The following KCNG4 variants were observed in gnomAD, a reference collection of about 807,000 sequenced individuals.
The protein encoded by KCNG4 is potassium voltage-gated channel modifier subfamily G member 4, also known as voltage-gated potassium channel regulatory subunit KCNG4.
KCNG4 carries 30 observed loss-of-function variants against 28.2 expected under a neutral mutation model. That is an observed-to-expected ratio of 1.06 (90% confidence interval 0.80 to 1.44). The LOEUF (loss-of-function observed/expected upper bound fraction) is 1.44. Among genes scored for constraint, KCNG4 ranks in the 40% most tolerant of loss-of-function variants. The probability of loss-of-function intolerance (pLI) is 0.00; values close to 1 mark genes in which losing one functional copy is unlikely to be tolerated. For missense variants in KCNG4, 879 were observed against 712.3 expected, an observed-to-expected ratio of 1.23 and a Z score of -2.66; for synonymous variants, 375 against 315.5, an observed-to-expected ratio of 1.19 and a Z score of -2.00.
Position 84,222,897 on chromosome 16 carries a change from GC to G in KCNG4, c.879del (p.Leu295Ter). ...QAQDKCQFFQ[G>X]PLNIIDILAI... is the part of the protein sequence containing the mutation. ...GCCAGGATGTCGATGATGTTCAGGG[GC>G]CCCTGGAAGAACTGACACTTGTCTT... is the stretch of plus-strand genomic sequence containing the variant. On this transcript the variant is annotated frameshift_variant, in exon 3 of 3. Transcript: ENST00000308251. LOFTEE classifies it high-confidence loss of function. 2 of 1,611,746 alleles carry G rather than the reference GC, an allele frequency of 1.2e-6. No individual in the cohort carries two copies. The highest frequency in any genetic ancestry group is 1.7e-6 in the Non-Finnish European group (2 of 1,178,388).
In KCNG4 at chr16:84,222,772, G is replaced by T; in HGVS notation, c.1005C>A (p.Val335=). 1 of 1,611,474 alleles carries T rather than the reference G, an allele frequency of 6.2e-7. No homozygotes were observed. Reference sequence around the variant, plus strand: ...TGCGCAGCGCTCGCAGCACACGCAGGACCAGCCCCACCTTCTCCAGGTAGG... The same window carrying T: ...TGCGCAGCGCTCGCAGCACACGCAGTACCAGCCCCACCTTCTCCAGGTAGG... ...GSSYLEKVGL[V]LRVLRALRIL... is the part of the protein sequence containing the mutation. Residue 335 remains valine (V), a synonymous_variant, in exon 3 of 3, where the codon GTC becomes GTA. Coordinates refer to ENST00000308251, the MANE Select transcript of KCNG4 (RefSeq NM_172347.3).
intron 2 of KCNG4, among the ~76,000 whole-genome samples, chr16:84,233,581 G>A (rs1597620344): frequency 6.6e-6 from 1 of 152,126 alleles, no homozygotes; most frequent in Non-Finnish European, 1.5e-5. Context: ...ACACCCACCT[G>A]TAGTCCCAGC....
chr16:84,220,736 T>C lies in KCNG4; in HGVS notation c.*1481A>G, dbSNP rs1013489016. 2 of 152,284 alleles carry C rather than the reference T, an allele frequency of 1.3e-5. No individual in the cohort carries two copies. The highest frequency in any genetic ancestry group is 4.8e-5 in the African/African-American group (2 of 41,462). 9.4% of individuals were successfully genotyped at this position (152,284 alleles called of 1,614,324 possible). ...ATCAGGATGTCTCCAAGGTGTGTCC[T>C]GCTGGGAGAAGCCAGGATTTGACAG... On this transcript the variant is annotated 3_prime_UTR_variant, in exon 3 of 3. Transcript: ENST00000308251.
rs767402299 is a variant in KCNG4 at position 84,237,098 on chromosome 16, C to T, written c.388G>A (p.Gly130Arg). Residue 130 changes from glycine (G) to arginine (R), a missense_variant, in exon 2 of 3, where the codon GGG becomes AGG. Coordinates refer to ENST00000308251, the MANE Select transcript of KCNG4 (RefSeq NM_172347.3). ...FGVIVSFLAA[G>R]KLVLLQEMCA... ...ATCTCCTGCAGAAGCACCAGCTTCC[C>T]GGCCGCCAGGAAGCTCACGATCACC... The T allele has an allele frequency of 1.1e-5, 18 of 1,614,094 alleles. No individual in the cohort carries two copies. The highest frequency in any genetic ancestry group is 8.9e-5 in the East Asian group (4 of 44,880).
rs1246138040 is a variant in KCNG4, at chr16:84,222,533, G to A, written c.1244C>T (p.Ser415Phe). The change falls in exon 3 of 3, where the codon TCC becomes TTC. Residue 415 changes from serine (S) to phenylalanine (F), a missense_variant. Transcript: ENST00000308251. ...GTCCCCGTAGCCCACCGTTGTCATG[G>A]AGATGATGGCCCACCAATAGGAGGC... is the stretch of plus-strand genomic sequence containing the variant. ...IPASYWWAII[S>F]MTTVGYGDMV... 6.2e-7 allele frequency: 1 copy of A among 1,613,612 alleles called. No homozygotes were observed. The highest frequency in any genetic ancestry group is 8.5e-7 in the Non-Finnish European group (1 of 1,179,936).
intron 1 of KCNG4, among the ~76,000 whole-genome samples, chr16:84,238,522 C>A (rs1051413507): frequency 1.3e-5 from 2 of 152,216 alleles, no homozygotes; most frequent in Non-Finnish European, 2.9e-5. Flanking sequence ...GCCATCCTTG[C>A]TGTGTGACCT....
intron 2 of KCNG4, among the ~76,000 whole-genome samples, chr16:84,234,142 G>A (rs1315811054): frequency 6.6e-6 from 1 of 152,084 alleles, no homozygotes; most frequent in Non-Finnish European, 1.5e-5. Context: ...TGCTGGCTTG[G>A]TCCTTCCTGT....
At chr16:84,228,163 C>A (rs888465202) in intron 2 of KCNG4, among the ~76,000 whole-genome samples, 1 of 152,234 alleles carries the variant, frequency 6.6e-6, no homozygotes, top group African/African-American at 2.4e-5. Context: ...GGGGGCCCTG[C>A]AGATGCAATG....
At chr16:84,237,742 T>C (rs979060656) in intron 1 of KCNG4, among the ~76,000 whole-genome samples, 3 of 152,198 alleles carry the variant, frequency 2.0e-5, no homozygotes, top group Non-Finnish European at 4.4e-5. Context: ...TGGTGGAACC[T>C]CTACCGACAT....
rs775584264 is a variant in KCNG4 at position 84,226,215 on chromosome 16, AAAC to A, written c.757-3198_757-3196del. Among the ~76,000 whole-genome samples the A allele has an allele frequency of 6.6e-6, 1 of 152,198 alleles. No homozygotes were observed. The highest frequency in any genetic ancestry group is 1.5e-5 in the Non-Finnish European group (1 of 68,032). On this transcript the variant is annotated intron_variant, in intron 2 of 2. Coordinates refer to ENST00000308251, the MANE Select transcript of KCNG4 (RefSeq NM_172347.3). The surrounding 1 kb of genome is among the most constrained non-coding windows in gnomAD (Gnocchi z 4.1). ...GAGAAGGCCCAGGGTGTGAATGGTG[AAAC>A]AACACCGATGAATCCCACAGGCATG... is the stretch of plus-strand genomic sequence containing the variant.
intron 2 of KCNG4, among the ~76,000 whole-genome samples, chr16:84,231,637 A>G (rs560068839): frequency 3.9e-5 from 6 of 152,210 alleles, no homozygotes; most frequent in African/African-American, 1.2e-4. Flanking sequence ...ACAAGTCCAG[A>G]CCATCATTTT....
chr16:84,236,046 G>C (rs1038804397), intron 2 of KCNG4: 4 of 152,254 alleles, frequency 2.6e-5, no homozygotes, highest in Non-Finnish European at 4.4e-5. Context: ...CTGGGGCAGA[G>C]TGACTTACAG....
chr16:84,229,359 C>T (rs1042985627), intron 2 of KCNG4, among the ~76,000 whole-genome samples: 1 of 151,850 alleles, frequency 6.6e-6, no homozygotes, highest in Admixed American at 6.6e-5. Flanking sequence ...TGCTGTCAGG[C>T]AAGTTGCATA....
chr16:84,224,169 C>T (rs1408754544), intron 2 of KCNG4, among the ~76,000 whole-genome samples: 1 of 152,134 alleles, frequency 6.6e-6, no homozygotes, highest in Non-Finnish European at 1.5e-5. Flanking sequence ...ACAAGGTCTC[C>T]AGGTGACTCA....
chr16:84,219,201 G>C lies in KCNG4; in HGVS notation c.*3016C>G, dbSNP rs928046359. 6.6e-6 allele frequency: 1 copy of C among 152,272 alleles called. No individual in the cohort carries two copies. The highest frequency in any genetic ancestry group is 2.4e-5 in the African/African-American group (1 of 41,460). The allele number at this position is 152,272 out of a possible 1,614,324, so 9.4% of individuals were successfully genotyped here. A position where few individuals can be genotyped will look rare whatever the true frequency, so the allele number is the denominator to read the frequency against. On this transcript the variant is annotated 3_prime_UTR_variant, in exon 3 of 3. Transcript: ENST00000308251. ...CAGAGCTCTGCCTGCTTTGCTGCTG[G>C]TCTTCTTCATCCGCAGGACAGTCCC...
intron 1 of KCNG4, among the ~76,000 whole-genome samples, chr16:84,237,789 TG>T (rs903046948): frequency 2.0e-5 from 3 of 152,114 alleles, no homozygotes; most frequent in African/African-American, 7.2e-5. Context: ...GTTGCACGGA[TG>T]GGGGCTTGAG....
rs1597622732 is a variant in KCNG4, at chr16:84,237,508, A to G, written c.-23T>C. 1 of 1,472,134 alleles carries G rather than the reference A, an allele frequency of 6.8e-7. No individual in the cohort carries two copies. Among genetic ancestry groups the G allele is most frequent in the Admixed American group, 2.5e-5 (1 of 40,406 alleles). 91.2% of individuals were successfully genotyped at this position (1,472,134 alleles called of 1,614,324 possible). A position where few individuals can be genotyped will look rare whatever the true frequency, so the allele number is the denominator to read the frequency against. The stretch of plus-strand genomic sequence containing the variant: ...CATTGCTGAAGACCACCAGGTAGGA[A>G]GCGCTGGGTTTACCAGTCTGACACC... On this transcript the variant is annotated 5_prime_UTR_variant, in exon 2 of 3. Transcript: ENST00000308251.
Position 84,222,660 on chromosome 16 carries a change from G to A in KCNG4, c.1117C>T (p.Leu373=). 1 of 1,613,326 alleles carries A rather than the reference G, an allele frequency of 6.2e-7. No individual in the cohort carries two copies. Among genetic ancestry groups the A allele is most frequent in the Non-Finnish European group, 8.5e-7 (1 of 1,179,940 alleles). The stretch of plus-strand genomic sequence containing the variant: ...GCCACGGCCAGGAAGAGAAGGAGCA[G>A]GCCGAACTCACGTGTGCAACGGCGC... ...TVRRCTREFG[L]LLLFLAVAIT... is the part of the protein sequence containing the mutation. Residue 373 remains leucine, a synonymous_variant, in exon 3 of 3, where the codon CTG becomes TTG. Coordinates refer to ENST00000308251, the MANE Select transcript of KCNG4 (RefSeq NM_172347.3).
chr16:84,236,910 G>GA lies in KCNG4; in HGVS notation c.575_576insT (p.Ala194ArgfsTer121), dbSNP rs779716658. On this transcript the variant is annotated frameshift_variant, in exon 2 of 3. Transcript: ENST00000308251. LOFTEE classifies it high-confidence loss of function. ...CCCAGCGCGAGGAGTGCGAGGCGGG[G>GA]CGGCGGGTCTCCCTCTGCTGCCTCA... The GA allele has an allele frequency of 6.2e-7, 1 of 1,613,506 alleles. No individual in the cohort carries two copies. Among genetic ancestry groups the GA allele is most frequent in the Non-Finnish European group, 8.5e-7 (1 of 1,180,002 alleles).
Sources: allele counts gnomAD v4.1 joint callset (sites outside exome capture counted in the v4.1 genomes callset), GRCh38; gene constraint gnomAD v4.1.1; non-coding constraint Gnocchi (gnomAD v3.1); transcripts MANE v1.5; gene names NCBI Gene and HGNC (gene_info 2026-07-23, HGNC 2026-07-21).